Variants in GP5 observed in about 807,000 individuals in gnomAD.
GP5 encodes glycoprotein V platelet.
For synonymous variants in GP5, 382 were observed against 353.9 expected, an observed-to-expected ratio of 1.08 and a Z score of -0.89; for missense variants, 755 against 737.1, an observed-to-expected ratio of 1.02 and a Z score of -0.28.
chr3:194,397,296 C>G lies in GP5; in HGVS notation c.987G>C (p.Ala329=), dbSNP rs1436270908. ...LGVTLSPRLS[A]LPQGAFQGLG... is the part of the protein sequence containing the mutation. Reference sequence around the variant, plus strand: ...GGCCCTGGAAGGCGCCCTGCGGAAGCGCGCTCAGCCGCGGGCTCAGAGTCA... The same window carrying G: ...GGCCCTGGAAGGCGCCCTGCGGAAGGGCGCTCAGCCGCGGGCTCAGAGTCA... The change falls in exon 2 of 2, where the codon GCG becomes GCC. Residue 329 remains alanine, a synonymous_variant. Transcript: ENST00000692618. The surrounding 1 kb of genome is among the most constrained non-coding windows in gnomAD (Gnocchi z 7.2). 2 of 1,580,460 alleles carry G rather than the reference C, an allele frequency of 1.3e-6. No individual in the cohort carries two copies. Among genetic ancestry groups the G allele is most frequent in the Non-Finnish European group, 1.7e-6 (2 of 1,170,968 alleles).
chr3:194,397,420 T>A lies in GP5; in HGVS notation c.863A>T (p.Glu288Val). Residue 288 changes from glutamate (E) to valine (V), a missense_variant, in exon 2 of 2, where the codon GAG becomes GTG. Transcript: ENST00000692618. This position sits in a 1 kb window ranked among gnomAD's most constrained non-coding sequence, Gnocchi z 7.2. ...LAELPGVLFGEMGGLQELWLN... is the reference protein window; with the variant it reads ...LAELPGVLFGVMGGLQELWLN... The stretch of plus-strand genomic sequence containing the variant: ...CCACAGCTCCTGCAGGCCCCCCATC[T>A]CCCCGAAGAGCACCCCCGGGAGCTC... The A allele has an allele frequency of 6.2e-7, 1 of 1,612,844 alleles. No homozygotes were observed. Among genetic ancestry groups the A allele is most frequent in the Non-Finnish European group, 8.5e-7 (1 of 1,179,872 alleles).
In GP5 at chr3:194,397,953, G is replaced by T; in HGVS notation, c.330C>A (p.Ile110=). Residue 110 remains isoleucine, a synonymous_variant, in exon 2 of 2, where the codon ATC becomes ATA. Coordinates refer to ENST00000692618, the MANE Select transcript of GP5 (RefSeq NM_004488.2). The surrounding 1 kb of genome is among the most constrained non-coding windows in gnomAD (Gnocchi z 7.2). ...CCAGCAGCGCACCTGGAAGATGCGTGATTTTGTTGCGCGACAGCCTCAGGG... is the reference window on the plus strand; with the variant it reads ...CCAGCAGCGCACCTGGAAGATGCGTTATTTTGTTGCGCGACAGCCTCAGGG... ...LKTLRLSRNK[I]THLPGALLDK... 2.5e-6 allele frequency: 4 copies of T among 1,614,226 alleles called. No individual in the cohort carries two copies. Among genetic ancestry groups the T allele is most frequent in the Non-Finnish European group, 3.4e-6 (4 of 1,180,026 alleles).
rs1383708401 is a variant in GP5 at position 194,397,948 on chromosome 3, T to C, written c.335A>G (p.His112Arg). Residue 112 changes from histidine to arginine, a missense_variant, in exon 2 of 2, where the codon CAT becomes CGT. Physicochemically the swap from His to Arg is conservative, Grantham distance 29. Transcript: ENST00000692618. This position sits in a 1 kb window ranked among gnomAD's most constrained non-coding sequence, Gnocchi z 7.2. ...TLRLSRNKIT[H>R]LPGALLDKMV... is the part of the protein sequence containing the mutation. ...CTTATCCAGCAGCGCACCTGGAAGA[T>C]GCGTGATTTTGTTGCGCGACAGCCT... 3.7e-6 allele frequency: 6 copies of C among 1,614,076 alleles called. No homozygotes were observed. The African/African-American group carries it at 5.3e-5, about 14-fold the overall frequency.
In GP5 at chr3:194,397,267, C is replaced by G; in HGVS notation, c.1016G>C (p.Gly339Ala). ...ALPQGAFQGL[G>A]ELQVLALHSN... ...GTGCAGGGCGAGCACCTGGAGCTCGCCAAGGCCCTGGAAGGCGCCCTGCGG... is the reference window on the plus strand; with the variant it reads ...GTGCAGGGCGAGCACCTGGAGCTCGGCAAGGCCCTGGAAGGCGCCCTGCGG... Residue 339 changes from glycine to alanine, a missense_variant, in exon 2 of 2, where the codon GGC (glycine) becomes GCC (alanine). Coordinates refer to ENST00000692618, the MANE Select transcript of GP5 (RefSeq NM_004488.2). This position sits in a 1 kb window ranked among gnomAD's most constrained non-coding sequence, Gnocchi z 7.2. 1 of 1,580,956 alleles carries G rather than the reference C, an allele frequency of 6.3e-7. No homozygotes were observed. Among genetic ancestry groups the G allele is most frequent in the Non-Finnish European group, 8.5e-7 (1 of 1,171,496 alleles).
Position 194,395,475 on chromosome 3 carries a change from T to C in GP5, c.*1125A>G, listed in dbSNP as rs1258158694. The C allele has an allele frequency of 1.3e-5, 2 of 152,200 alleles. No homozygotes were observed. Among genetic ancestry groups the C allele is most frequent in the East Asian group, 1.9e-4 (1 of 5,200 alleles). The allele number at this position is 152,200 out of a possible 1,614,324, so 9.4% of individuals were successfully genotyped here. On this transcript the variant is annotated 3_prime_UTR_variant, in exon 2 of 2. Coordinates refer to ENST00000692618, the MANE Select transcript of GP5 (RefSeq NM_004488.2). ...AATGCAAATCAATCCAGTTTCAAAATGACATGTTGCATGGATGTAAAGCAA... is the reference window on the plus strand; with the variant it reads ...AATGCAAATCAATCCAGTTTCAAAACGACATGTTGCATGGATGTAAAGCAA...
chr3:194,396,614 T>G lies in GP5; in HGVS notation c.1669A>C (p.Arg557=). 1 of 1,610,700 alleles carries G rather than the reference T, an allele frequency of 6.2e-7. No homozygotes were observed. Among genetic ancestry groups the G allele is most frequent in the Non-Finnish European group, 8.5e-7 (1 of 1,177,982 alleles). Residue 557 remains arginine, a synonymous_variant, in exon 2 of 2, where the codon AGA becomes CGA. Transcript: ENST00000692618. ...TTCCCATTGGTTTACCCAAGGGCTC[T>G]CTCTCTGATTAATTTTCGAAAGAGT... ...GQLFRKLIRE[R]ALG is the part of the protein sequence containing the mutation.
rs754850636 is a variant in GP5 at position 194,397,933 on chromosome 3, A to G, written c.350T>C (p.Leu117Pro). Residue 117 changes from leucine (L) to proline (P), a missense_variant, in exon 2 of 2, where the codon CTG (leucine) becomes CCG (proline). Leu to Pro is a moderately conservative substitution (Grantham distance 98, BLOSUM62 -3). Transcript: ENST00000692618. The surrounding 1 kb of genome is among the most constrained non-coding windows in gnomAD (Gnocchi z 7.2). ...CTCCAGGAGCACCATCTTATCCAGC[A>G]GCGCACCTGGAAGATGCGTGATTTT... ...RNKITHLPGA[L>P]LDKMVLLEQL... 6.2e-7 allele frequency: 1 copy of G among 1,614,220 alleles called. No individual in the cohort carries two copies. The highest frequency in any genetic ancestry group is 1.1e-5 in the South Asian group (1 of 91,090).
In GP5 at chr3:194,395,623, A is replaced by G. The variant is rs1714430733; in HGVS notation, c.*977T>C. ...TCGCTTATCCTGAAAATGCTCATGC[A>G]TGAATGGAGTCCAGTGCTCTCCCAA... On this transcript the variant is annotated 3_prime_UTR_variant, in exon 2 of 2. Coordinates refer to ENST00000692618, the MANE Select transcript of GP5 (RefSeq NM_004488.2). 1 of 152,314 alleles carries G rather than the reference A, an allele frequency of 6.6e-6. No individual in the cohort carries two copies. The allele number at this position is 152,314 out of a possible 1,614,324, so 9.4% of individuals were successfully genotyped here. A position where few individuals can be genotyped will look rare whatever the true frequency, so the allele number is the denominator to read the frequency against.
rs1284547881 is a variant in GP5, at chr3:194,395,028, A to G, written c.*1572T>C. The G allele has an allele frequency of 6.6e-6, 1 of 152,278 alleles. No homozygotes were observed. Among genetic ancestry groups the G allele is most frequent in the Non-Finnish European group, 1.5e-5 (1 of 68,048 alleles). 9.4% of individuals were successfully genotyped at this position (152,278 alleles called of 1,614,324 possible). On this transcript the variant is annotated 3_prime_UTR_variant, in exon 2 of 2. Coordinates refer to ENST00000692618, the MANE Select transcript of GP5 (RefSeq NM_004488.2). ...GCTCATCCTTTAGTAATAATAGCTAACATTCATTAACATGTATTGCCTGCA... is the reference window on the plus strand; with the variant it reads ...GCTCATCCTTTAGTAATAATAGCTAGCATTCATTAACATGTATTGCCTGCA...
At position 194,397,978 on chromosome 3, in the gene GP5, GT is replaced by G. The variant is rs771529109; in HGVS notation, c.304del (p.Thr102ProfsTer2). 6.2e-7 allele frequency: 1 copy of G among 1,614,162 alleles called. No homozygotes were observed. The highest frequency in any genetic ancestry group is 1.1e-5 in the South Asian group (1 of 91,082). On this transcript the variant is annotated frameshift_variant, in exon 2 of 2. Transcript: ENST00000692618. LOFTEE classifies it low-confidence loss of function (END_TRUNC). This position sits in a 1 kb window ranked among gnomAD's most constrained non-coding sequence, Gnocchi z 7.2. ...GTFSDLIKLK[T>X]LRLSRNKITH... ...GATTTTGTTGCGCGACAGCCTCAGG[GT>G]TTTCAGTTTTATCAGGTCACTGAAG...
At position 194,397,809 on chromosome 3, in the gene GP5, G is replaced by C. The variant is rs779830095; in HGVS notation, c.474C>G (p.Leu158=). Residue 158 remains leucine, a synonymous_variant, in exon 2 of 2, where the codon CTC becomes CTG. Transcript: ENST00000692618. The surrounding 1 kb of genome is among the most constrained non-coding windows in gnomAD (Gnocchi z 7.2). ...TGAAGAGACTGGCAGGAAGGAAATC[G>C]AGCTGATTCTGGTTCAGAGCGAGCT... The part of the protein sequence containing the change: ...LQELALNQNQ[L]DFLPASLFTN... The C allele has an allele frequency of 6.2e-7, 1 of 1,613,752 alleles. No homozygotes were observed. Among genetic ancestry groups the C allele is most frequent in the Admixed American group, 1.7e-5 (1 of 59,986 alleles).
At position 194,397,200 on chromosome 3, in the gene GP5, G is replaced by T; in HGVS notation, c.1083C>A (p.Gly361=). Residue 361 remains glycine (G), a synonymous_variant, in exon 2 of 2, where the codon GGC becomes GGA. Transcript: ENST00000692618. The surrounding 1 kb of genome is among the most constrained non-coding windows in gnomAD (Gnocchi z 7.2). ...LTALPDGLLR[G]LGKLRQVSLR... is the part of the protein sequence containing the mutation. ...GGGACACCTGGCGCAGCTTGCCGAGGCCGCGCAGCAAGCCGTCGGGGAGGG... is the reference window on the plus strand; with the variant it reads ...GGGACACCTGGCGCAGCTTGCCGAGTCCGCGCAGCAAGCCGTCGGGGAGGG... 6.4e-7 allele frequency: 1 copy of T among 1,570,576 alleles called. No homozygotes were observed. The highest frequency in any genetic ancestry group is 8.6e-7 in the Non-Finnish European group (1 of 1,166,328).
At position 194,397,867 on chromosome 3, in the gene GP5, T is replaced by C; in HGVS notation, c.416A>G (p.Gln139Arg). 6.2e-7 allele frequency: 1 copy of C among 1,614,076 alleles called. No homozygotes were observed. The highest frequency in any genetic ancestry group is 8.5e-7 in the Non-Finnish European group (1 of 1,179,920). ...GTTAACCAGTTTCTGAAACATGTTT[T>C]GGTCAATGCCCCTTAGCGCATTGTG... ...LDHNALRGID[Q>R]NMFQKLVNLQ... The change falls in exon 2 of 2, where the codon CAA becomes CGA. Residue 139 changes from glutamine (Q) to arginine (R), a missense_variant. Transcript: ENST00000692618. The surrounding 1 kb of genome is among the most constrained non-coding windows in gnomAD (Gnocchi z 7.2).
Position 194,397,019 on chromosome 3 carries a change from AGTTGTGCCCCAAC to A in GP5, c.1251_1263del (p.Leu418ProfsTer19). ...CCCAGGCCACAGTCGCAGCGCCAGGAGTTGTGCCCCAACAGGACCTCCGTCAGCCGGGGCAGAG... is the reference window on the plus strand; with the variant it reads ...CCCAGGCCACAGTCGCAGCGCCAGGAAGGACCTCCGTCAGCCGGGGCAGAG... On this transcript the variant is annotated frameshift_variant, in exon 2 of 2. Coordinates refer to ENST00000692618, the MANE Select transcript of GP5 (RefSeq NM_004488.2). LOFTEE classifies it low-confidence loss of function (END_TRUNC). This position sits in a 1 kb window ranked among gnomAD's most constrained non-coding sequence, Gnocchi z 7.2. 2 of 1,597,584 alleles carry A rather than the reference AGTTGTGCCCCAAC, an allele frequency of 1.3e-6. No individual in the cohort carries two copies. The highest frequency in any genetic ancestry group is 1.7e-4 in the Middle Eastern group (1 of 6,050).
At chr3:194,398,792 A>T (rs373457877) in intron 1 of GP5, among the ~76,000 whole-genome samples, 1 of 152,370 alleles carries the variant, frequency 6.6e-6, no homozygotes, top group African/African-American at 2.4e-5. Context: ...CCCCCAAAAC[A>T]GCGAACACCT....
Position 194,397,728 on chromosome 3 carries a change from C to T in GP5, c.555G>A (p.Leu185=). ...CCTGTGCTCCAAGCAACCCCTTGGG[C>T]AGGTGGGTCAGGTTGTTTCCCGATA... ...LDLSGNNLTH[L]PKGLLGAQAK... Residue 185 remains leucine, a synonymous_variant, in exon 2 of 2, where the codon CTG becomes CTA. Coordinates refer to ENST00000692618, the MANE Select transcript of GP5 (RefSeq NM_004488.2). The surrounding 1 kb of genome is among the most constrained non-coding windows in gnomAD (Gnocchi z 7.2). 1 of 1,613,892 alleles carries T rather than the reference C, an allele frequency of 6.2e-7. No individual in the cohort carries two copies. Among genetic ancestry groups the T allele is most frequent in the Non-Finnish European group, 8.5e-7 (1 of 1,179,892 alleles).
At position 194,397,573 on chromosome 3, in the gene GP5, G is replaced by T. The variant is rs199511845; in HGVS notation, c.710C>A (p.Ala237Asp). ...RNHIRSIAPG[A>D]FDRLPNLSSL... is the part of the protein sequence containing the mutation. ...ACTGAGGTTTGGGAGCCGGTCGAAG[G>T]CCCCGGGTGCGATGGAACGGATGTG... Residue 237 changes from alanine to aspartate, a missense_variant, in exon 2 of 2, where the codon GCC (alanine) becomes GAC (aspartate). Coordinates refer to ENST00000692618, the MANE Select transcript of GP5 (RefSeq NM_004488.2). The surrounding 1 kb of genome is among the most constrained non-coding windows in gnomAD (Gnocchi z 7.2). The T allele has an allele frequency of 6.2e-7, 1 of 1,614,152 alleles. No homozygotes were observed. The highest frequency in any genetic ancestry group is 1.1e-5 in the South Asian group (1 of 91,076).
chr3:194,395,163 A>G lies in GP5; in HGVS notation c.*1437T>C, dbSNP rs1714422014. On this transcript the variant is annotated 3_prime_UTR_variant, in exon 2 of 2. Transcript: ENST00000692618. Reference sequence around the variant, plus strand: ...TAAGGTTCAGGAAACCAAGGCTTAGAGAATGTAAGCAGGTGTCTTACCCAA... The same window carrying G: ...TAAGGTTCAGGAAACCAAGGCTTAGGGAATGTAAGCAGGTGTCTTACCCAA... 1 of 152,256 alleles carries G rather than the reference A, an allele frequency of 6.6e-6. No homozygotes were observed. The highest frequency in any genetic ancestry group is 2.1e-4 in the South Asian group (1 of 4,836). 9.4% of individuals were successfully genotyped at this position (152,256 alleles called of 1,614,324 possible). A position where few individuals can be genotyped will look rare whatever the true frequency, so the allele number is the denominator to read the frequency against.
Position 194,396,883 on chromosome 3 carries a change from C to A in GP5, c.1400G>T (p.Gly467Val). 6.5e-7 allele frequency: 1 copy of A among 1,537,630 alleles called. No homozygotes were observed. Among genetic ancestry groups the A allele is most frequent in the Non-Finnish European group, 8.7e-7 (1 of 1,148,614 alleles). ...HAGLPLWALP[G>V]GDAECPGPRG... is the part of the protein sequence containing the mutation. ...GGGGCCCGGGCACTCCGCGTCACCC[C>A]CCGGCAGGGCCCAGAGCGGCAGGCC... The change falls in exon 2 of 2, where the codon GGG becomes GTG. Residue 467 changes from glycine to valine, a missense_variant. Coordinates refer to ENST00000692618, the MANE Select transcript of GP5 (RefSeq NM_004488.2).
Sources: gnomAD v4.1 joint callset for allele counts (sites outside exome capture counted in the v4.1 genomes callset) on GRCh38, gnomAD v4.1.1 for gene constraint, Gnocchi (gnomAD v3.1) non-coding constraint, MANE v1.5 for transcripts, NCBI Gene and HGNC (gene_info 2026-07-23, HGNC 2026-07-21) for gene names.